Variants in KCNC2 observed in about 807,000 individuals in gnomAD.
KCNC2 encodes the protein potassium voltage-gated channel subfamily C member 2.
KCNC2 carries 21 observed loss-of-function variants against 44.5 expected under a neutral mutation model. The ratio of observed to expected loss-of-function variants is 0.47; its 90% CI spans 0.33 to 0.68. The LOEUF is 0.68. Among genes scored for constraint, KCNC2 ranks in the 30% least tolerant of loss-of-function variants. The pLI is 0.01. For synonymous variants in KCNC2, 391 were observed against 339.1 expected, an observed-to-expected ratio of 1.15 and a Z score of -1.68; for missense variants, 589 against 826.2, an observed-to-expected ratio of 0.71 and a Z score of 3.52.
intron 2 of KCNC2, among the ~76,000 whole-genome samples, chr12:75,114,909 G>A (rs1482297817): frequency 7.2e-6 from 1 of 139,122 alleles, no homozygotes; most frequent in Non-Finnish European, 1.5e-5. Context: ...TGTCACCCAG[G>A]CTGGAGTGCA....
chr12:75,172,302 G>T (rs1891882300), intron 2 of KCNC2, among the ~76,000 whole-genome samples: 1 of 151,802 alleles, frequency 6.6e-6, no homozygotes, highest in Middle Eastern at 3.2e-3. Flanking sequence ...TGGCGGGGAA[G>T]GACACTCACT....
chr12:75,133,576 A>G (rs564307721), intron 2 of KCNC2, among the ~76,000 whole-genome samples: 1 of 152,122 alleles, frequency 6.6e-6, no homozygotes, highest in African/African-American at 2.4e-5. Context: ...CATGATCCTG[A>G]ACCCTCAAGC....
chr12:75,043,664 A>C, intron 4 of KCNC2: 2 of 1,311,392 alleles, frequency 1.5e-6, no homozygotes, highest in East Asian at 5.6e-5. Flanking sequence ...TTATTTCCTA[A>C]GCCAATAAAG....
chr12:75,128,834 T>G (rs941179882), intron 2 of KCNC2, among the ~76,000 whole-genome samples: 3 of 152,214 alleles, frequency 2.0e-5, no homozygotes, highest in African/African-American at 7.2e-5. Flanking sequence ...TTTATTCCCA[T>G]GTTTTCTCTA....
chr12:75,085,287 T>C (rs1312031914), intron 2 of KCNC2, among the ~76,000 whole-genome samples: 1 of 152,016 alleles, frequency 6.6e-6, no homozygotes. Flanking sequence ...TATCAGAGCA[T>C]CCTTTCTATT....
intron 2 of KCNC2, among the ~76,000 whole-genome samples, chr12:75,177,057 T>TATATATATATATATATATATACAC (rs1491339880): frequency 5.5e-5 from 7 of 127,296 alleles, no homozygotes; most frequent in African/African-American, 2.1e-4. Flanking sequence ...TATATATATA[T>TATATATATATATATATATATACAC]ACACACACAC....
chr12:75,154,067 T>C (rs1394836116), intron 2 of KCNC2, among the ~76,000 whole-genome samples: 1 of 152,036 alleles, frequency 6.6e-6, no homozygotes, highest in Non-Finnish European at 1.5e-5. Flanking sequence ...TTACACACTT[T>C]TGTTAGTACA....
chr12:75,058,357 A>C (rs1881964973), intron 2 of KCNC2, among the ~76,000 whole-genome samples: 1 of 151,736 alleles, frequency 6.6e-6, no homozygotes, highest in African/African-American at 2.4e-5. Flanking sequence ...ATATAAATTT[A>C]TTTTTAAATG....
At position 75,204,890 on chromosome 12, in the gene KCNC2, T is replaced by C. The variant is rs140541451; in HGVS notation, c.687+2407A>G. ...ACAAGACCCACAAAAGAAAGCCAAATATTAAACCCTGACTGGTCAATAAAA... is the reference window on the plus strand; with the variant it reads ...ACAAGACCCACAAAAGAAAGCCAAACATTAAACCCTGACTGGTCAATAAAA... On this transcript the variant is annotated intron_variant, in intron 2 of 4. Coordinates refer to ENST00000549446, the MANE Select transcript of KCNC2 (RefSeq NM_139137.4). Among the ~76,000 whole-genome samples, 570 of 152,182 alleles carry C rather than the reference T, an allele frequency of 3.7e-3. 1 individual carries two copies. The highest frequency in any genetic ancestry group is 0.013 in the African/African-American group (535 of 41,548).
intron 2 of KCNC2, among the ~76,000 whole-genome samples, chr12:75,064,924 C>T (rs1187865762): frequency 6.6e-6 from 1 of 151,910 alleles, no homozygotes; most frequent in Non-Finnish European, 1.5e-5. Context: ...TTAGAGTGTA[C>T]ATATACATTC....
At chr12:75,163,232 G>A (rs1296734451) in intron 2 of KCNC2, among the ~76,000 whole-genome samples, 2 of 151,736 alleles carry the variant, frequency 1.3e-5, no homozygotes, top group Admixed American at 1.3e-4. Flanking sequence ...AATTAATAAA[G>A]CTGATATTTT....
chr12:75,207,301 G>A lies in KCNC2; in HGVS notation c.683C>T (p.Ala228Val). Residue 228 changes from alanine to valine, a missense_variant, in exon 2 of 5, where the codon GCC (alanine) becomes GTC (valine). Ala to Val is a moderately conservative substitution (Grantham distance 64). Around this residue, in one of 7 missense-constraint regions of KCNC2, gnomAD observed 26 missense variants for 50.4 expected, o/e 0.52. Coordinates refer to ENST00000549446, the MANE Select transcript of KCNC2 (RefSeq NM_139137.4). This position sits in a 1 kb window ranked among gnomAD's most constrained non-coding sequence, Gnocchi z 4.1. ...LFEDPYSSRAARFIAFASLFF... is the reference protein window; with the variant it reads ...LFEDPYSSRAVRFIAFASLFF... Reference sequence around the variant, plus strand: ...AGGGGTCGATTCTGGCCTTACCCTGGCGGCTCTGGACGAGTAGGGGTCTTC... The same window carrying A: ...AGGGGTCGATTCTGGCCTTACCCTGACGGCTCTGGACGAGTAGGGGTCTTC... 6.5e-7 allele frequency: 1 copy of A among 1,538,694 alleles called. No homozygotes were observed. Among genetic ancestry groups the A allele is most frequent in the Non-Finnish European group, 8.7e-7 (1 of 1,147,238 alleles).
In KCNC2 at chr12:75,207,240, T is replaced by A. The variant is rs992426665; in HGVS notation, c.687+57A>T. On this transcript the variant is annotated intron_variant, in intron 2 of 4. Transcript: ENST00000549446. This position sits in a 1 kb window ranked among gnomAD's most constrained non-coding sequence, Gnocchi z 4.1. ...CCTGGGGTGGAAAAGAACAGAAAGT[T>A]GGGGAGGGAGTTGGGAGAAGTTGAA... 5 of 1,501,038 alleles carry A rather than the reference T, an allele frequency of 3.3e-6. No individual in the cohort carries two copies. Among genetic ancestry groups the A allele is most frequent in the Non-Finnish European group, 2.7e-6 (3 of 1,127,638 alleles). 93.0% of individuals were successfully genotyped at this position (1,501,038 alleles called of 1,614,324 possible).
chr12:75,068,820 TTCAGG>T (rs1228425187), intron 2 of KCNC2, among the ~76,000 whole-genome samples: 1 of 152,134 alleles, frequency 6.6e-6, no homozygotes, highest in East Asian at 1.9e-4. Context: ...CTGTGATAGG[TTCAGG>T]AATGACCAGG....
intron 2 of KCNC2, among the ~76,000 whole-genome samples, chr12:75,072,201 C>G (rs1265199080): frequency 6.6e-6 from 1 of 152,072 alleles, no homozygotes; most frequent in African/African-American, 2.4e-5. Context: ...TGTAGCTGTT[C>G]ATAGCTGTTA....
intron 2 of KCNC2, among the ~76,000 whole-genome samples, chr12:75,110,984 C>CCA (rs1367897630): frequency 7.2e-5 from 11 of 152,080 alleles, no homozygotes; most frequent in Non-Finnish European, 1.2e-4. Context: ...TAAAAACTGT[C>CCA]ATTAGACTAT....
intron 2 of KCNC2, among the ~76,000 whole-genome samples, chr12:75,113,386 A>T (rs755918436): frequency 1.3e-4 from 20 of 152,218 alleles, no homozygotes; most frequent in Non-Finnish European, 2.5e-4. Context: ...TCATTTAAAT[A>T]TGTAGTTTCT....
intron 1 of KCNC2, among the ~76,000 whole-genome samples, chr12:75,208,246 C>A (rs1435948509): frequency 1.3e-5 from 2 of 152,054 alleles, no homozygotes; most frequent in Non-Finnish European, 2.9e-5. Context: ...TTCATGACAC[C>A]GTTTTCCCTG....
In KCNC2 at chr12:75,207,310, G is replaced by C; in HGVS notation, c.674C>G (p.Ser225Cys). The change falls in exon 2 of 5, where the codon TCC becomes TGC. Residue 225 changes from serine (S) to cysteine (C), a missense_variant. Ser to Cys is a moderately radical substitution (Grantham distance 112). This residue lies in a region of KCNC2 where 26 missense variants were observed against 50.4 expected (regional missense o/e 0.52). Coordinates refer to ENST00000549446, the MANE Select transcript of KCNC2 (RefSeq NM_139137.4). The surrounding 1 kb of genome is among the most constrained non-coding windows in gnomAD (Gnocchi z 4.1). ...MWALFEDPYSSRAARFIAFAS... is the reference protein window; with the variant it reads ...MWALFEDPYSCRAARFIAFAS... ...TTCTGGCCTTACCCTGGCGGCTCTG[G>C]ACGAGTAGGGGTCTTCGAAGAGGGC... is the stretch of plus-strand genomic sequence containing the variant. 6.5e-7 allele frequency: 1 copy of C among 1,548,532 alleles called. No homozygotes were observed. The highest frequency in any genetic ancestry group is 8.7e-7 in the Non-Finnish European group (1 of 1,151,402).
Sources: allele counts gnomAD v4.1 joint callset (sites outside exome capture counted in the v4.1 genomes callset), GRCh38; gene constraint gnomAD v4.1.1; regional missense constraint gnomAD v4.1.1; non-coding constraint Gnocchi (gnomAD v3.1); transcripts MANE v1.5; gene names NCBI Gene and HGNC (gene_info 2026-07-23, HGNC 2026-07-21).